Variants in ESRRG observed in about 807,000 individuals in gnomAD.
ESRRG encodes the protein estrogen-related receptor gamma.
In ESRRG, 13 loss-of-function variants were observed where a neutral mutation model predicts 44.0. The observed-to-expected ratio is 0.30, with a 90% CI of 0.19 to 0.47. The LOEUF (loss-of-function observed/expected upper bound fraction) is 0.47, where lower values mean the gene tolerates loss of function less well. Ranked by LOEUF, ESRRG falls within the 20% of genes least tolerant of loss-of-function variation. The pLI is 1.00. For missense variants in ESRRG, 395 were observed against 580.6 expected, an observed-to-expected ratio of 0.68 and a Z score of 3.29; for synonymous variants, 215 against 214.6, an observed-to-expected ratio of 1.00 and a Z score of -0.02.
chr1:216,765,211 G>C (rs2093013415), intron 2 of ESRRG, among the ~76,000 whole-genome samples: 1 of 152,046 alleles, frequency 6.6e-6, no homozygotes, highest in Admixed American at 6.6e-5. Flanking sequence ...GGAAGAGAAG[G>C]GAAGGGCTGG....
Position 216,986,174 on chromosome 1 carries a change from T to C in ESRRG, c.-105-46501A>G, listed in dbSNP as rs188048887. On this transcript the variant is annotated intron_variant, in intron 1 of 7. Transcript: ENST00000359162. ...ACCCAGGAATGATCCCAGACATTCC[T>C]GGTATTTGGCAAAGGAACAGCTGAG... 1.2e-3 allele frequency among the ~76,000 whole-genome samples: 186 copies of C among 152,314 alleles called. 1 individual carries two copies. Among genetic ancestry groups the C allele is most frequent in the African/African-American group, 4.1e-3 (171 of 41,584 alleles).
intron 2 of ESRRG, among the ~76,000 whole-genome samples, chr1:216,892,183 T>C (rs912773079): frequency 6.6e-6 from 1 of 152,060 alleles, no homozygotes; most frequent in Non-Finnish European, 1.5e-5. Context: ...AAAGAAAACA[T>C]TATTTAATGG....
chr1:216,693,068 C>T (rs2079380994), intron 1 of ESRRG, among the ~76,000 whole-genome samples: 1 of 152,194 alleles, frequency 6.6e-6, no homozygotes. Context: ...CACTGCTTTT[C>T]CTTCTCTCTG....
At chr1:216,538,402 G>A (rs912392986) in intron 5 of ESRRG, among the ~76,000 whole-genome samples, 8 of 151,996 alleles carry the variant, frequency 5.3e-5, no homozygotes, top group South Asian at 2.1e-4. Context: ...TGTGAGAAGC[G>A]CTTAAGAGCA....
At chr1:216,947,846 A>G (rs2066308153) in intron 1 of ESRRG, among the ~76,000 whole-genome samples, 1 of 152,142 alleles carries the variant, frequency 6.6e-6, no homozygotes, top group Non-Finnish European at 1.5e-5. Flanking sequence ...TAAGGTCATG[A>G]GATGAGTTTT....
chr1:216,781,281 A>T (rs1337143630), intron 2 of ESRRG, among the ~76,000 whole-genome samples: 1 of 134,194 alleles, frequency 7.5e-6, no homozygotes, highest in African/African-American at 2.8e-5. Flanking sequence ...CAACCAAAAT[A>T]AAAAAAAAAA....
chr1:216,992,559 G>A (rs984735270), intron 1 of ESRRG, among the ~76,000 whole-genome samples: 3 of 152,186 alleles, frequency 2.0e-5, no homozygotes, highest in African/African-American at 7.2e-5. Flanking sequence ...ATTAATGGGG[G>A]AGAAAGTTGT....
chr1:216,591,819 T>C (rs1186028224), intron 3 of ESRRG, among the ~76,000 whole-genome samples: 2 of 152,070 alleles, frequency 1.3e-5, no homozygotes, highest in Non-Finnish European at 2.9e-5. Flanking sequence ...TTGAATAAAA[T>C]GGGAATCCAT....
intron 2 of ESRRG, among the ~76,000 whole-genome samples, chr1:216,896,832 C>G (rs1304431341): frequency 6.6e-6 from 1 of 152,172 alleles, no homozygotes; most frequent in East Asian, 1.9e-4. Context: ...GCACCTCTCA[C>G]TTTACAGGCA....
intron 1 of ESRRG, among the ~76,000 whole-genome samples, chr1:216,988,383 T>C (rs2075202895): frequency 6.6e-6 from 1 of 152,196 alleles, no homozygotes; most frequent in Admixed American, 6.5e-5. Context: ...TCTCCCATAC[T>C]TATCAGTTGT....
intron 2 of ESRRG, among the ~76,000 whole-genome samples, chr1:216,795,495 T>C (rs1270061662): frequency 6.6e-6 from 1 of 151,612 alleles, no homozygotes; most frequent in Non-Finnish European, 1.5e-5. Context: ...CATGTGCCAC[T>C]GTGCCTGGCT....
chr1:216,886,877 C>T (rs2096525134), intron 2 of ESRRG, among the ~76,000 whole-genome samples: 1 of 152,008 alleles, frequency 6.6e-6, no homozygotes, highest in Non-Finnish European at 1.5e-5. Flanking sequence ...GCGTGTAACA[C>T]CATGCCTGGC....
In ESRRG at chr1:216,568,091, A is replaced by G. The variant is rs2060004703; in HGVS notation, c.597T>C (p.Arg199=). ...LKVGMLKEGV[R]LDRVRGGRQK... ...GCCGACCTCCACGTACTCTGTCAAG[A>G]CGCACCCCTGTGAGCAAAGACAGGC... is the stretch of plus-strand genomic sequence containing the variant. Residue 199 remains arginine (R), a synonymous_variant, in exon 4 of 7, where the codon CGT becomes CGC. Transcript: ENST00000408911. 1 of 1,612,324 alleles carries G rather than the reference A, an allele frequency of 6.2e-7. No individual in the cohort carries two copies. Among genetic ancestry groups the G allele is most frequent in the African/African-American group, 1.3e-5 (1 of 74,856 alleles).
intron 1 of ESRRG, among the ~76,000 whole-genome samples, chr1:216,989,427 CAA>C (rs67759463): frequency 0.015 from 1,158 of 79,338 alleles, 2 homozygotes; most frequent in East Asian, 0.051. Context: ...GACTCTGTCT[CAA>C]AAAAAAAAAA....
intron 5 of ESRRG, among the ~76,000 whole-genome samples, chr1:216,522,564 A>G (rs77429551): frequency 2.0e-3 from 310 of 152,276 alleles, no homozygotes; most frequent in Non-Finnish European, 3.1e-3. Context: ...CCTGAGCAGC[A>G]GTTAAGACAG....
intron 2 of ESRRG, among the ~76,000 whole-genome samples, chr1:216,903,412 T>C (rs538673572): frequency 7.1e-6 from 1 of 140,314 alleles, no homozygotes; most frequent in Non-Finnish European, 1.5e-5. Context: ...TATATATGTG[T>C]GGTTGTGTGT....
At chr1:217,028,045 C>A (rs2081484880) in intron 1 of ESRRG, among the ~76,000 whole-genome samples, 1 of 152,118 alleles carries the variant, frequency 6.6e-6, no homozygotes, top group South Asian at 2.1e-4. Flanking sequence ...CACAAAAACT[C>A]AAGTGGCGCA....
intron 5 of ESRRG, among the ~76,000 whole-genome samples, chr1:216,534,856 C>T (rs976016904): frequency 6.6e-6 from 1 of 152,116 alleles, no homozygotes; most frequent in African/African-American, 2.4e-5. Flanking sequence ...CTTTTGACGG[C>T]ATCAGCCTCA....
At chr1:216,816,311 T>C (rs55650528) in intron 2 of ESRRG, among the ~76,000 whole-genome samples, 4,514 of 152,286 alleles carry the variant, frequency 0.03, 81 homozygotes, top group Middle Eastern at 0.061. Flanking sequence ...CTATTAAAAA[T>C]GATAAGTATG....
Sources: gnomAD v4.1 joint callset for allele counts (sites outside exome capture counted in the v4.1 genomes callset) on GRCh38, gnomAD v4.1.1 for gene constraint, MANE v1.5 for transcripts, NCBI Gene and HGNC (gene_info 2026-07-23, HGNC 2026-07-21) for gene names.